Variants in ROBO2 observed in about 807,000 individuals in gnomAD.
ROBO2 encodes roundabout guidance receptor 2, also known as roundabout homolog 2.
A neutral mutation model predicts 160.8 loss-of-function variants in ROBO2; 53 were observed. The ratio of observed to expected loss-of-function variants is 0.33; its 90% CI spans 0.26 to 0.41. The LOEUF (loss-of-function observed/expected upper bound fraction) is 0.41, where lower values mean the gene tolerates loss of function less well. Among genes scored for constraint, ROBO2 ranks in the 10% least tolerant of loss-of-function variants. The pLI, the probability that ROBO2 is intolerant of heterozygous loss-of-function variation, is 1.00. For missense variants in ROBO2, 1,577 were observed against 1,722.4 expected, an observed-to-expected ratio of 0.92 and a Z score of 1.49; for synonymous variants, 664 against 611.7, an observed-to-expected ratio of 1.09 and a Z score of -1.26.
At chr3:77,296,455 A>G (rs2062134409) in intron 2 of ROBO2, among the ~76,000 whole-genome samples, 1 of 152,126 alleles carries the variant, frequency 6.6e-6, no homozygotes, top group South Asian at 2.1e-4. Flanking sequence ...ACGAAGTCAC[A>G]CACTGCTGCA....
At chr3:77,497,782 A>C (rs2086995260) in intron 5 of ROBO2, among the ~76,000 whole-genome samples, 1 of 152,102 alleles carries the variant, frequency 6.6e-6, no homozygotes, top group Non-Finnish European at 1.5e-5. Context: ...ATGTTCCCTC[A>C]TAACATAGGT....
rs958876010 is a variant in ROBO2 at position 77,074,812 on chromosome 3, T to C, written c.62-23202T>C. ...CATTTTAGCACAACATAAATGTCTC[T>C]AAGGGCAGAATGAGATGACGGTGAG... On this transcript the variant is annotated intron_variant, in intron 1 of 25. Coordinates refer to ENST00000461745, the Ensembl canonical transcript of ROBO2. 2.6e-5 allele frequency among the ~76,000 whole-genome samples: 4 copies of C among 152,288 alleles called. No individual in the cohort carries two copies. The South Asian group carries it at 8.3e-4, about 32-fold the overall frequency.
At chr3:77,415,679 G>A (rs894641070) in intron 2 of ROBO2, among the ~76,000 whole-genome samples, 2 of 152,106 alleles carry the variant, frequency 1.3e-5, no homozygotes, top group Non-Finnish European at 2.9e-5. Flanking sequence ...GGCTGAGCTG[G>A]GTGTGGGCAG....
intron 2 of ROBO2, among the ~76,000 whole-genome samples, chr3:76,426,193 G>T (rs2076213365): frequency 6.6e-6 from 1 of 152,150 alleles, no homozygotes; most frequent in Non-Finnish European, 1.5e-5. Flanking sequence ...TTAGGGATTT[G>T]TAGCTCTGGC....
intron 2 of ROBO2, among the ~76,000 whole-genome samples, chr3:76,721,650 C>G (rs554862866): frequency 1.3e-5 from 2 of 152,150 alleles, no homozygotes; most frequent in South Asian, 4.1e-4. Context: ...GTATAAACTT[C>G]AAATGCAAAA....
At chr3:77,531,757 T>C (rs2091746569) in intron 6 of ROBO2, among the ~76,000 whole-genome samples, 1 of 152,136 alleles carries the variant, frequency 6.6e-6, no homozygotes, top group African/African-American at 2.4e-5. Flanking sequence ...TTTTCATGTT[T>C]GGATGCACTT....
At chr3:77,439,704 C>A (rs1290522760) in intron 2 of ROBO2, among the ~76,000 whole-genome samples, 4 of 152,106 alleles carry the variant, frequency 2.6e-5, no homozygotes, top group Non-Finnish European at 5.9e-5. Flanking sequence ...TGTCAATCAA[C>A]TTTGACAGTC....
intron 2 of ROBO2, among the ~76,000 whole-genome samples, chr3:76,488,696 G>A (rs528732878): frequency 4.6e-5 from 7 of 151,958 alleles, no homozygotes; most frequent in Middle Eastern, 3.4e-3. Context: ...ATATCCCACC[G>A]TATCCATAGG....
At chr3:76,709,601 G>A (rs267163) in intron 2 of ROBO2, among the ~76,000 whole-genome samples, 69,592 of 151,708 alleles carry the variant, frequency 0.46, 16,514 homozygotes, top group Non-Finnish European at 0.53. Flanking sequence ...TGATGCCATA[G>A]AAAAGGGGTG....
chr3:76,611,177 G>A (rs189162053), intron 2 of ROBO2, among the ~76,000 whole-genome samples: 243 of 152,176 alleles, frequency 1.6e-3, no homozygotes, highest in African/African-American at 5.5e-3. Flanking sequence ...CCCTTGGATC[G>A]TGCACTCCAT....
At chr3:75,954,675 G>A (rs1336486213) in intron 2 of ROBO2, among the ~76,000 whole-genome samples, 1 of 151,864 alleles carries the variant, frequency 6.6e-6, no homozygotes, top group Non-Finnish European at 1.5e-5. Flanking sequence ...GTTGTGTACT[G>A]TACCTCTGCT....
intron 2 of ROBO2, among the ~76,000 whole-genome samples, chr3:76,074,862 C>A (rs915768909): frequency 1.3e-5 from 2 of 151,876 alleles, no homozygotes; most frequent in East Asian, 3.9e-4. Flanking sequence ...GGTAAAGTAA[C>A]GTGTCAGATT....
chr3:76,714,811 G>T (rs1031761121), intron 2 of ROBO2, among the ~76,000 whole-genome samples: 2 of 152,096 alleles, frequency 1.3e-5, no homozygotes, highest in Non-Finnish European at 2.9e-5. Flanking sequence ...ATCAGTATCC[G>T]ATGTGAAATA....
chr3:76,930,282 C>T (rs1456339719), intron 2 of ROBO2, among the ~76,000 whole-genome samples: 2 of 152,158 alleles, frequency 1.3e-5, no homozygotes, highest in Admixed American at 6.5e-5. Context: ...GCTGGGATTA[C>T]AGGTGTGAGT....
chr3:76,962,844 A>T (rs561763692), intron 2 of ROBO2, among the ~76,000 whole-genome samples: 2 of 152,238 alleles, frequency 1.3e-5, no homozygotes, highest in East Asian at 3.9e-4. Flanking sequence ...AGTAAAATGC[A>T]TTCTCTAGTC....
At chr3:76,853,930 GC>G (rs1352613003) in intron 2 of ROBO2, among the ~76,000 whole-genome samples, 1 of 151,506 alleles carries the variant, frequency 6.6e-6, no homozygotes, top group Non-Finnish European at 1.5e-5. Flanking sequence ...TTCACCCAAG[GC>G]CCCTAACAGA....
intron 2 of ROBO2, among the ~76,000 whole-genome samples, chr3:77,455,623 G>A (rs188079808): frequency 5.1e-4 from 78 of 152,142 alleles, no homozygotes; most frequent in African/African-American, 1.8e-3. Context: ...GTAGAGATGG[G>A]GTTTCACCAT....
At chr3:76,192,531 CACACACACACA>C (rs1702061925) in intron 2 of ROBO2, among the ~76,000 whole-genome samples, 6 of 109,726 alleles carry the variant, frequency 5.5e-5, no homozygotes, top group East Asian at 3.2e-4. Flanking sequence ...CCACCACACA[CACACACACACA>C]CACACACACA....
At chr3:77,140,712 T>A (rs773351001) in intron 2 of ROBO2, among the ~76,000 whole-genome samples, 4 of 152,290 alleles carry the variant, frequency 2.6e-5, no homozygotes, top group African/African-American at 4.8e-5. Context: ...TGATATGAGG[T>A]TAAAATTTAG....
Sources: allele counts gnomAD v4.1 joint callset (sites outside exome capture counted in the v4.1 genomes callset), GRCh38; gene constraint gnomAD v4.1.1; transcripts MANE v1.5; gene names NCBI Gene and HGNC (gene_info 2026-07-23, HGNC 2026-07-21).